The following OSBPL2 variants were observed in gnomAD, a reference collection of about 807,000 sequenced individuals.
OSBPL2 encodes oxysterol binding protein like 2.
Under a neutral mutation model 58.4 loss-of-function variants are expected in OSBPL2, and 18 were observed. The ratio of observed to expected loss-of-function variants is 0.31; its 90% confidence interval spans 0.21 to 0.46. OSBPL2 has a LOEUF of 0.46. Among genes scored for constraint, OSBPL2 ranks in the 20% least tolerant of loss-of-function variants. The pLI is 1.00. For synonymous variants in OSBPL2, 221 were observed against 234.1 expected, an observed-to-expected ratio of 0.94 and a Z score of 0.51; for missense variants, 461 against 616.5, an observed-to-expected ratio of 0.75 and a Z score of 2.67.
intron 4 of OSBPL2, among the ~76,000 whole-genome samples, chr20:62,267,153 G>A (rs116742847): frequency 0.015 from 2,337 of 152,288 alleles, 52 homozygotes; most frequent in African/African-American, 0.052. Flanking sequence ...GCTGATGTAG[G>A]AGGATCACTT....
chr20:62,263,305 C>T (rs979301744), intron 3 of OSBPL2, among the ~76,000 whole-genome samples: 3 of 152,130 alleles, frequency 2.0e-5, no homozygotes, highest in African/African-American at 7.2e-5. Context: ...GTGGGCTCTG[C>T]GGGCAGAGGG....
Position 62,286,612 on chromosome 20 carries a change from C to T in OSBPL2, c.1026C>T (p.Asp342=), listed in dbSNP as rs140864045. 3.1e-5 allele frequency: 50 copies of T among 1,613,628 alleles called. No individual in the cohort carries two copies. The African/African-American group carries it at 5.5e-4, about 18-fold the overall frequency. Residue 342 remains aspartate (D), a synonymous_variant, in exon 11 of 14, where the codon GAC becomes GAT. Transcript: ENST00000313733. ...LDEDSGKADS[D]VADDVPVAQE... is the part of the protein sequence containing the mutation. The stretch of plus-strand genomic sequence containing the variant: ...AAGACTCCGGGAAGGCTGACAGCGA[C>T]GTGGCTGACGACGTGCCTGTGGCCC...
chr20:62,284,321 C>A, intron 10 of OSBPL2, 152 bp downstream of exon 10: 1 of 817,430 alleles, frequency 1.2e-6, no homozygotes, highest in Non-Finnish European at 2.0e-6. Flanking sequence ...TCCAGATGAA[C>A]CATATATTGT....
At chr20:62,273,492 TTCCTC>T (rs934813081) in intron 6 of OSBPL2, 86 bp downstream of exon 6, 3 of 1,032,636 alleles carry the variant, frequency 2.9e-6, no homozygotes, top group African/African-American at 1.6e-5. Flanking sequence ...CTAGCATTGA[TTCCTC>T]TGCTCTGAGA....
At chr20:62,278,056 C>T (rs977218381) in intron 6 of OSBPL2, among the ~76,000 whole-genome samples, 1 of 152,202 alleles carries the variant, frequency 6.6e-6, no homozygotes, top group African/African-American at 2.4e-5. Flanking sequence ...TCTCCACCTG[C>T]GTCTCTGGGT....
chr20:62,290,721 GGTTTTTTTTTTT>G (rs1272357751), intron 12 of OSBPL2, among the ~76,000 whole-genome samples: 3 of 149,420 alleles, frequency 2.0e-5, no homozygotes, highest in Non-Finnish European at 3.0e-5. Context: ...TGCCTGGCCA[GGTTTTTTTTTTT>G]GTTTTTTTTG....
Position 62,280,299 on chromosome 20 carries a change from C to G in OSBPL2, c.675-759C>G. ...AGGTTCCACAAGGACCTGGAGAAGC[C>G]CCTGAGAGTGTGTCCTGGGGCTGGT... On this transcript the variant is annotated intron_variant, in intron 7 of 13. Coordinates refer to ENST00000313733, the MANE Select transcript of OSBPL2 (RefSeq NM_144498.4). The G allele has an allele frequency of 1.1e-5, 4 of 377,108 alleles. 1 individual carries two copies. Among genetic ancestry groups the G allele is most frequent in the South Asian group, 2.1e-5 (1 of 47,698 alleles). The allele number at this position is 377,108 out of a possible 1,614,324, so 23.4% of individuals were successfully genotyped here.
At chr20:62,275,153 C>T (rs1051562886) in intron 6 of OSBPL2, among the ~76,000 whole-genome samples, 3 of 152,062 alleles carry the variant, frequency 2.0e-5, no homozygotes, top group Non-Finnish European at 2.9e-5. Flanking sequence ...TTACAGTGAC[C>T]GTGCCACTGA....
chr20:62,262,204 C>A (rs1266501446), intron 3 of OSBPL2, among the ~76,000 whole-genome samples: 1 of 152,040 alleles, frequency 6.6e-6, no homozygotes, highest in Non-Finnish European at 1.5e-5. Context: ...AGAAATGACC[C>A]AGCTCGGACA....
chr20:62,285,383 A>G (rs1370060756), intron 10 of OSBPL2: 1 of 152,228 alleles, frequency 6.6e-6, no homozygotes, highest in Non-Finnish European at 1.5e-5. Context: ...CATGGTGCCT[A>G]CAGCCAGTGT....
At chr20:62,289,156 C>G (rs1983327386) in intron 11 of OSBPL2, 51 bp from the exon 12 acceptor site, 1 of 1,603,256 alleles carries the variant, frequency 6.2e-7, no homozygotes, top group African/African-American at 1.3e-5. Context: ...GGAGCATAGT[C>G]CATGGTTCAG....
chr20:62,288,015 T>C lies in OSBPL2; in HGVS notation c.1126-1192T>C, dbSNP rs909315244. ...TGCCAGGGAGGGCATCTGAGTGCTGTGGCTTCAGTCATGGGGTAGGGGTGG... is the reference window on the plus strand; with the variant it reads ...TGCCAGGGAGGGCATCTGAGTGCTGCGGCTTCAGTCATGGGGTAGGGGTGG... On this transcript the variant is annotated intron_variant, in intron 11 of 13. Coordinates refer to ENST00000313733, the MANE Select transcript of OSBPL2 (RefSeq NM_144498.4). The surrounding 1 kb of genome is among the most constrained non-coding windows in gnomAD (Gnocchi z 4.8). Among the ~76,000 whole-genome samples, 1 of 151,506 alleles carries C rather than the reference T, an allele frequency of 6.6e-6. No homozygotes were observed. The highest frequency in any genetic ancestry group is 2.4e-5 in the African/African-American group (1 of 41,120).
At chr20:62,264,489 A>G (rs1398185637) in intron 4 of OSBPL2, 2 of 152,144 alleles carry the variant, frequency 1.3e-5, no homozygotes, top group African/African-American at 4.8e-5. Context: ...GAAAACTCAC[A>G]TGGCCTGGGA....
Position 62,294,637 on chromosome 20 carries a change from A to G in OSBPL2, c.*750A>G, listed in dbSNP as rs1183562987. 1 of 152,402 alleles carries G rather than the reference A, an allele frequency of 6.6e-6. No homozygotes were observed. The highest frequency in any genetic ancestry group is 1.5e-5 in the Non-Finnish European group (1 of 68,068). 9.4% of individuals were successfully genotyped at this position (152,402 alleles called of 1,614,324 possible). A position where few individuals can be genotyped will look rare whatever the true frequency, so the allele number is the denominator to read the frequency against. ...GAAATCCCAAGACTGCTTCCGCCTC[A>G]GAGGCGTCCCGGCTGCGATTCGCTG... On this transcript the variant is annotated 3_prime_UTR_variant, in exon 14 of 14. Coordinates refer to ENST00000313733, the MANE Select transcript of OSBPL2 (RefSeq NM_144498.4).
intron 4 of OSBPL2, among the ~76,000 whole-genome samples, chr20:62,264,065 CAAA>C (rs11476225): frequency 1.1e-4 from 11 of 98,000 alleles, no homozygotes; most frequent in Middle Eastern, 4.7e-3. Context: ...GATTCCATCT[CAAA>C]AAAAAAAAAA....
chr20:62,273,669 C>T (rs565829094), intron 6 of OSBPL2, among the ~76,000 whole-genome samples: 6 of 152,284 alleles, frequency 3.9e-5, no homozygotes, highest in East Asian at 1.9e-4. Context: ...GGAGATAGCG[C>T]GCACTGTAGA....
chr20:62,289,462 A>C (rs1057097285), intron 12 of OSBPL2, 132 bp downstream of exon 12: 3 of 1,078,890 alleles, frequency 2.8e-6, no homozygotes, highest in African/African-American at 1.6e-5. Context: ...TCCCTAAACA[A>C]ACAGGCAGGC....
intron 3 of OSBPL2, 78 bp from the exon 4 acceptor site, chr20:62,263,538 G>A (rs527670509): frequency 2.0e-5 from 22 of 1,120,500 alleles, no homozygotes; most frequent in African/African-American, 1.8e-4. Context: ...AAGAGAAATC[G>A]TCATTGAGCA....
At chr20:62,264,251 C>T (rs751610621) in intron 4 of OSBPL2, among the ~76,000 whole-genome samples, 12 of 152,132 alleles carry the variant, frequency 7.9e-5, no homozygotes, top group Non-Finnish European at 1.5e-4. Flanking sequence ...GTGGGGCTTC[C>T]GTGGCACCCT....
Sources: allele counts gnomAD v4.1 joint callset (sites outside exome capture counted in the v4.1 genomes callset), GRCh38; gene constraint gnomAD v4.1.1; non-coding constraint Gnocchi (gnomAD v3.1); transcripts MANE v1.5; gene names NCBI Gene and HGNC (gene_info 2026-07-23, HGNC 2026-07-21).